Variants in ARHGAP22 observed in about 807,000 individuals in gnomAD.
The protein encoded by ARHGAP22 is Rho GTPase activating protein 22, also known as rho GTPase-activating protein 22.
A neutral mutation model predicts 59.1 loss-of-function variants in ARHGAP22; 48 were observed. The ratio of observed to expected loss-of-function variants is 0.81; its 90% CI spans 0.64 to 1.03. ARHGAP22 has a LOEUF of 1.03. Ranked by LOEUF, ARHGAP22 falls within the 50% of genes least tolerant of loss-of-function variation. The pLI is 0.00. For synonymous variants in ARHGAP22, 445 were observed against 416.4 expected (o/e 1.07, Z -0.84); for missense variants, 1,015 against 958.7 (o/e 1.06, Z -0.78).
intron 3 of ARHGAP22, among the ~76,000 whole-genome samples, chr10:48,506,881 A>C (rs2052194410): frequency 6.6e-6 from 1 of 152,196 alleles, no homozygotes; most frequent in Non-Finnish European, 1.5e-5. Context: ...CTGCTCAAGC[A>C]AGAAGGCCAG....
chr10:48,637,219 G>C (rs2061855397), intron 1 of ARHGAP22, among the ~76,000 whole-genome samples: 1 of 152,228 alleles, frequency 6.6e-6, no homozygotes, highest in Non-Finnish European at 1.5e-5. Context: ...ATTGTGTCGA[G>C]GTGGGGGGCA....
intron 1 of ARHGAP22, among the ~76,000 whole-genome samples, chr10:48,629,606 GT>G (rs1258211167): frequency 1.3e-5 from 2 of 152,036 alleles, no homozygotes; most frequent in Admixed American, 6.5e-5. Context: ...ACCATGTTTT[GT>G]TTACATGTTT....
intron 1 of ARHGAP22, among the ~76,000 whole-genome samples, chr10:48,614,495 A>T (rs1363663488): frequency 6.6e-6 from 1 of 152,258 alleles, no homozygotes; most frequent in Non-Finnish European, 1.5e-5. Context: ...TATAATACAG[A>T]ACACTCATTT....
intron 3 of ARHGAP22, among the ~76,000 whole-genome samples, chr10:48,492,014 A>G (rs1430180788): frequency 6.6e-6 from 1 of 152,122 alleles, no homozygotes; most frequent in East Asian, 1.9e-4. Flanking sequence ...GAACTTAAGG[A>G]TTTCCTTTTG....
chr10:48,645,797 C>T (rs2062269002), intron 1 of ARHGAP22, among the ~76,000 whole-genome samples: 2 of 151,958 alleles, frequency 1.3e-5, no homozygotes, highest in Non-Finnish European at 2.9e-5. Context: ...ATTATTCTAT[C>T]CAGTACAATA....
intron 3 of ARHGAP22, among the ~76,000 whole-genome samples, chr10:48,496,600 G>A (rs1305997553): frequency 1.3e-5 from 2 of 152,108 alleles, no homozygotes; most frequent in Admixed American, 1.3e-4. Context: ...TTAGCTGCTG[G>A]GACCTGACCT....
chr10:48,451,717 A>C (rs377065667), intron 8 of ARHGAP22: 74 of 544,288 alleles, frequency 1.4e-4, no homozygotes, highest in African/African-American at 1.9e-4. Context: ...CCAAAGTCCC[A>C]CACACACACA....
intron 1 of ARHGAP22, among the ~76,000 whole-genome samples, chr10:48,597,899 G>T (rs1464937352): frequency 1.3e-5 from 2 of 152,270 alleles, no homozygotes; most frequent in Non-Finnish European, 2.9e-5. Context: ...TTTCAGCAGA[G>T]TCAGGGCAGG....
intron 1 of ARHGAP22, among the ~76,000 whole-genome samples, chr10:48,627,438 G>A (rs1190240379): frequency 6.6e-6 from 1 of 152,216 alleles, no homozygotes; most frequent in Non-Finnish European, 1.5e-5. Context: ...GAATTGAACT[G>A]TTGGACACCC....
chr10:48,631,886 T>C (rs949523578), intron 1 of ARHGAP22, among the ~76,000 whole-genome samples: 1 of 152,246 alleles, frequency 6.6e-6, no homozygotes, highest in African/African-American at 2.4e-5. Flanking sequence ...TCTTTTAACA[T>C]TTCTTGTAGG....
At chr10:48,565,140 G>A (rs2120907) in intron 2 of ARHGAP22, among the ~76,000 whole-genome samples, 70,677 of 151,440 alleles carry the variant, frequency 0.47, 18,282 homozygotes, top group East Asian at 0.9. Flanking sequence ...ACAGGTTTTA[G>A]CCCCAGACAG....
At chr10:48,537,759 C>T (rs543330427) in intron 3 of ARHGAP22, among the ~76,000 whole-genome samples, 2 of 152,314 alleles carry the variant, frequency 1.3e-5, no homozygotes, top group South Asian at 4.2e-4. Flanking sequence ...GGAGCGGCAC[C>T]GGAAGTCCCA....
At chr10:48,463,008 T>C (rs2047302685) in intron 4 of ARHGAP22, among the ~76,000 whole-genome samples, 1 of 152,280 alleles carries the variant, frequency 6.6e-6, no homozygotes, top group African/African-American at 2.4e-5. Context: ...CAGATGTGCC[T>C]GTTTAGCTCA....
chr10:48,430,998 G>A, the ARHGAP22 span: 1 of 604,374 alleles, frequency 1.7e-6, no homozygotes, highest in South Asian at 2.0e-5. Flanking sequence ...CTTTTAATAT[G>A]ATCCATTGTT....
At chr10:48,569,545 C>T (rs574271665) in intron 2 of ARHGAP22, among the ~76,000 whole-genome samples, 1 of 152,282 alleles carries the variant, frequency 6.6e-6, no homozygotes, top group South Asian at 2.1e-4. Context: ...ATTTTTCTGC[C>T]TTGTGATTGA....
chr10:48,652,180 G>A, intron 1 of ARHGAP22: 1 of 1,490,078 alleles, frequency 6.7e-7, no homozygotes, highest in Non-Finnish European at 9.0e-7. Flanking sequence ...CCTCAAGCAA[G>A]AAGTCAAATG....
upstream of ARHGAP22, among the ~76,000 whole-genome samples, chr10:48,655,062 T>TTCCC (rs1490998373): frequency 4.6e-3 from 61 of 13,262 alleles, 13 homozygotes; most frequent in Middle Eastern, 0.022. Flanking sequence ...TTCTCCTTCC[T>TTCCC]TCCCTCCTTC....
chr10:48,494,918 A>T (rs1234003943), intron 3 of ARHGAP22, among the ~76,000 whole-genome samples: 1 of 152,124 alleles, frequency 6.6e-6, no homozygotes, highest in Non-Finnish European at 1.5e-5. Context: ...ACCTCCTTGC[A>T]TGGCTGACTC....
At chr10:48,654,140 T>G (rs1443072592), upstream of ARHGAP22, among the ~76,000 whole-genome samples, 1 of 152,156 alleles carries the variant, frequency 6.6e-6, no homozygotes, top group Non-Finnish European at 1.5e-5. Context: ...GCCCTCATAA[T>G]ATGGACTTCA....
Sources: gnomAD v4.1 joint callset for allele counts (sites outside exome capture counted in the v4.1 genomes callset) on GRCh38, gnomAD v4.1.1 for gene constraint, MANE v1.5 for transcripts, NCBI Gene and HGNC (gene_info 2026-07-23, HGNC 2026-07-21) for gene names.